The following PUM3 variants were observed in gnomAD, a reference collection of about 807,000 sequenced individuals.
The protein encoded by PUM3 is pumilio homolog 3.
In PUM3, 91 loss-of-function variants were observed where a neutral mutation model predicts 84.0. The observed-to-expected ratio is 1.08, with a 90% CI of 0.91 to 1.29. The LOEUF is 1.29. Ranked by LOEUF, PUM3 falls within the 50% of genes most tolerant of loss-of-function variation. PUM3 has a pLI of 0.00. For synonymous variants in PUM3, 321 were observed against 266.7 expected (o/e 1.20, Z -1.98); for missense variants, 1,067 against 767.5 (o/e 1.39, Z -4.61).
intron 10 of PUM3, among the ~76,000 whole-genome samples, chr9:2,826,843 T>A (rs996389910): frequency 1.8e-4 from 28 of 152,198 alleles, no homozygotes; most frequent in Admixed American, 1.7e-3. Context: ...ATAATTAAGA[T>A]ATAAAAATTT....
intron 1 of PUM3, among the ~76,000 whole-genome samples, chr9:2,840,404 G>A (rs1362416180): frequency 1.3e-5 from 2 of 152,126 alleles, no homozygotes; most frequent in African/African-American, 4.8e-5. Flanking sequence ...TAGACAAGAT[G>A]TTTGGAGAAT....
rs544670665 is a variant in PUM3 at position 2,806,857 on chromosome 9, A to T, written c.1814+957T>A. Among the ~76,000 whole-genome samples, 3 of 152,350 alleles carry T rather than the reference A, an allele frequency of 2.0e-5. No individual in the cohort carries two copies. The South Asian group carries it at 6.2e-4, about 32-fold the overall frequency. On this transcript the variant is annotated intron_variant, in intron 17 of 17. Transcript: ENST00000397885. ...AATGAAGGAAATTACATGTAGAATT[A>T]GGCATGATTTAAAAGTCAACATTGT...
chr9:2,838,488 T>C lies in PUM3; in HGVS notation c.20A>G (p.Lys7Arg), dbSNP rs200648134. 18 of 1,612,066 alleles carry C rather than the reference T, an allele frequency of 1.1e-5. No homozygotes were observed. The East Asian group carries it at 4.0e-4, about 36-fold the overall frequency. Residue 7 changes from lysine to arginine, a missense_variant, in exon 2 of 18, where the codon AAG becomes AGG. Transcript: ENST00000397885. MEVKGK[K>R]QFTGKSTKTA... The stretch of plus-strand genomic sequence containing the variant: ...CTTTGTACTCTTTCCTGTGAATTGC[T>C]TTTTCCCTTTAACTTCCATCGTAGC...
At chr9:2,805,764 A>G (rs1325272631) in intron 17 of PUM3, among the ~76,000 whole-genome samples, 2 of 152,122 alleles carry the variant, frequency 1.3e-5, no homozygotes, top group South Asian at 2.1e-4. Context: ...TCTAGTTTTC[A>G]TAACGACCAT....
chr9:2,813,330 G>C (rs1821407938), intron 13 of PUM3, among the ~76,000 whole-genome samples: 2 of 152,196 alleles, frequency 1.3e-5, no homozygotes, highest in African/African-American at 4.8e-5. Flanking sequence ...CAACAGAAGA[G>C]TCATCAATTT....
intron 10 of PUM3, among the ~76,000 whole-genome samples, chr9:2,826,117 C>G (rs565627370): frequency 1.3e-5 from 2 of 149,214 alleles, no homozygotes; most frequent in South Asian, 4.2e-4. Flanking sequence ...TTTTTTAAGT[C>G]TCTTTTGAAA....
At chr9:2,820,134 A>G (rs1001642437) in intron 12 of PUM3, 36 bp from the exon 13 acceptor site, 1 of 1,330,780 alleles carries the variant, frequency 7.5e-7, no homozygotes, top group African/African-American at 1.4e-5. Context: ...GTTAAAAACA[A>G]GTGCATAGAT....
In PUM3 at chr9:2,811,548, AG is replaced by A. The variant is rs1186586804; in HGVS notation, c.1447del (p.Leu483Ter). 2.5e-6 allele frequency: 4 copies of A among 1,614,008 alleles called. No individual in the cohort carries two copies. The highest frequency in any genetic ancestry group is 2.5e-6 in the Non-Finnish European group (3 of 1,179,994). ...KDTEVRRRELLESISPALLSY... is the reference protein window; with the variant it reads ...KDTEVRRRELXESISPALLSY... Reference sequence around the variant, plus strand: ...TAACAAAGCTGGAGAAATGGATTCTAGGAGCTCCCGTCTGCGGACCTCTGTA... The same window carrying A: ...TAACAAAGCTGGAGAAATGGATTCTAGAGCTCCCGTCTGCGGACCTCTGTA... On this transcript the variant is annotated frameshift_variant, in exon 15 of 18. Coordinates refer to ENST00000397885, the MANE Select transcript of PUM3 (RefSeq NM_014878.5). LOFTEE classifies it high-confidence loss of function.
In PUM3 at chr9:2,804,336, T is replaced by C. The variant is rs773984059; in HGVS notation, c.1942A>G (p.Thr648Ala). ...TTGCTCTTAACTCTTTCCACCTATG[T>C]GCTCAGTTTTTCAAGTAGAATTTCT... ...GIEILLEKLS[T>A] Residue 648 changes from threonine (T) to alanine (A), a missense_variant, in exon 18 of 18, where the codon ACA becomes GCA. Transcript: ENST00000397885. 22 of 1,613,228 alleles carry C rather than the reference T, an allele frequency of 1.4e-5. No homozygotes were observed. Among genetic ancestry groups the C allele is most frequent in the Admixed American group, 1.7e-5 (1 of 59,832 alleles).
At position 2,824,774 on chromosome 9, in the gene PUM3, T is replaced by A. The variant is rs1362607138; in HGVS notation, c.1077A>T (p.Ala359=). Residue 359 remains alanine (A), a synonymous_variant, in exon 11 of 18, where the codon GCA becomes GCT. Coordinates refer to ENST00000397885, the MANE Select transcript of PUM3 (RefSeq NM_014878.5). Reference sequence around the variant, plus strand: ...CCACTCTGGCGCCATCGTGTGTGTGTGCCAGGTAGACCACCGCTTCGCGGA... The same window carrying A: ...CCACTCTGGCGCCATCGTGTGTGTGAGCCAGGTAGACCACCGCTTCGCGGA... ...EAIREAVVYL[A]HTHDGARVAM... is the part of the protein sequence containing the mutation. 1 of 1,587,182 alleles carries A rather than the reference T, an allele frequency of 6.3e-7. No individual in the cohort carries two copies. The highest frequency in any genetic ancestry group is 8.6e-7 in the Non-Finnish European group (1 of 1,162,590).
chr9:2,842,646 C>T (rs1816295489), intron 1 of PUM3, among the ~76,000 whole-genome samples: 1 of 152,172 alleles, frequency 6.6e-6, no homozygotes. Context: ...TAGGTGGTCT[C>T]ATCCAATCTC....
intron 9 of PUM3, among the ~76,000 whole-genome samples, chr9:2,828,316 T>G (rs944676583): frequency 4.6e-5 from 7 of 152,232 alleles, no homozygotes. Flanking sequence ...GCTAGAATTA[T>G]AGGCGTGAGC....
intron 9 of PUM3, among the ~76,000 whole-genome samples, chr9:2,827,421 T>C (rs551488153): frequency 1.3e-5 from 2 of 152,236 alleles, no homozygotes; most frequent in African/African-American, 2.4e-5. Context: ...ATTTGAAATA[T>C]GCTCTGCTCT....
intron 1 of PUM3, 24 bp from the exon 2 acceptor site, chr9:2,838,541 A>G: frequency 6.9e-7 from 1 of 1,449,992 alleles, no homozygotes; most frequent in Non-Finnish European, 9.7e-7. Context: ...ACCAAAACCA[A>G]AAACAATCAC....
At chr9:2,813,215 G>A (rs189470833) in intron 13 of PUM3, among the ~76,000 whole-genome samples, 8 of 152,202 alleles carry the variant, frequency 5.3e-5, no homozygotes, top group South Asian at 2.1e-4. Context: ...CAAAAGCAAC[G>A]TCATCCCCAC....
intron 13 of PUM3, among the ~76,000 whole-genome samples, chr9:2,814,516 A>C (rs561075506): frequency 6.6e-6 from 1 of 152,246 alleles, no homozygotes; most frequent in South Asian, 2.1e-4. Context: ...AGGCCAATCT[A>C]TGTGTTGCTG....
At chr9:2,814,138 C>A (rs1466990919) in intron 13 of PUM3, among the ~76,000 whole-genome samples, 1 of 152,154 alleles carries the variant, frequency 6.6e-6, no homozygotes, top group Non-Finnish European at 1.5e-5. Flanking sequence ...CGGGAAAACA[C>A]ACAAAAAGCA....
chr9:2,823,937 G>A, intron 11 of PUM3, 103 bp from the exon 12 acceptor site: 1 of 582,022 alleles, frequency 1.7e-6, no homozygotes, highest in Non-Finnish European at 3.0e-6. Flanking sequence ...CATTTGAGTG[G>A]CATATGTTTT....
intron 9 of PUM3, among the ~76,000 whole-genome samples, chr9:2,827,405 A>G (rs1815852268): frequency 1.3e-5 from 2 of 152,218 alleles, no homozygotes; most frequent in African/African-American, 4.8e-5. Context: ...CAAACATAAA[A>G]TCAACATTTG....
Sources: allele counts gnomAD v4.1 joint callset (sites outside exome capture counted in the v4.1 genomes callset), GRCh38; gene constraint gnomAD v4.1.1; transcripts MANE v1.5; gene names NCBI Gene and HGNC (gene_info 2026-07-23, HGNC 2026-07-21).